The following TRPM3 variants were observed in gnomAD, a reference collection of about 807,000 sequenced individuals.
TRPM3 encodes the protein transient receptor potential cation channel subfamily M member 3, also known as long transient receptor potential channel 3.
In TRPM3, 77 loss-of-function variants were observed where a neutral mutation model predicts 181.2. That is an observed-to-expected ratio of 0.42 (90% CI 0.35 to 0.51). The LOEUF is 0.51. Among genes scored for constraint, TRPM3 ranks in the 20% least tolerant of loss-of-function variants. The pLI is 0.01. For missense variants in TRPM3, 1,759 were observed against 2,196.7 expected (o/e 0.80, Z 3.98); for synonymous variants, 745 against 796.4 (o/e 0.94, Z 1.09).
chr9:70,994,282 T>C (rs560230054), intron 1 of TRPM3, among the ~76,000 whole-genome samples: 36 of 152,130 alleles, frequency 2.4e-4, no homozygotes, highest in African/African-American at 8.7e-4. Context: ...ATGCCCAAAA[T>C]ATGTTAGCTG....
chr9:71,413,289 T>C (rs1050312145), intron 1 of TRPM3, among the ~76,000 whole-genome samples: 3 of 152,074 alleles, frequency 2.0e-5, no homozygotes, highest in South Asian at 2.1e-4. Flanking sequence ...ATTTATTGAG[T>C]ATTTAGCATG....
intron 1 of TRPM3, among the ~76,000 whole-genome samples, chr9:71,264,171 A>G (rs754022693): frequency 6.6e-6 from 1 of 152,120 alleles, no homozygotes; most frequent in Non-Finnish European, 1.5e-5. Flanking sequence ...CATAATTGTA[A>G]AGATTCTGAA....
chr9:71,314,560 C>T (rs1007245588), intron 1 of TRPM3, among the ~76,000 whole-genome samples: 3 of 152,082 alleles, frequency 2.0e-5, no homozygotes, highest in Non-Finnish European at 2.9e-5. Flanking sequence ...ATCTGATGTG[C>T]GTTGACAAGA....
chr9:70,655,627 C>T (rs1046515139), intron 9 of TRPM3, among the ~76,000 whole-genome samples: 2 of 151,964 alleles, frequency 1.3e-5, no homozygotes, highest in East Asian at 1.9e-4. Flanking sequence ...ATTTAAAAGG[C>T]CTTTATGGTT....
intron 1 of TRPM3, among the ~76,000 whole-genome samples, chr9:71,334,457 G>C (rs2132559385): frequency 6.6e-6 from 1 of 151,836 alleles, no homozygotes; most frequent in Non-Finnish European, 1.5e-5. Flanking sequence ...AACATTTTAA[G>C]ACAAAATATT....
chr9:71,122,816 A>C (rs2073790266), upstream of TRPM3, among the ~76,000 whole-genome samples: 1 of 152,184 alleles, frequency 6.6e-6, no homozygotes, highest in Non-Finnish European at 1.5e-5. Flanking sequence ...CCATTGACCT[A>C]CCTCGTATAG....
At chr9:71,093,843 C>A (rs1428304124) in intron 1 of TRPM3, among the ~76,000 whole-genome samples, 2 of 151,990 alleles carry the variant, frequency 1.3e-5, no homozygotes, top group East Asian at 3.9e-4. Context: ...AACCCAAATG[C>A]CCATCAAGAT....
chr9:71,134,016 CGCGT>C (rs2074587674), intron 1 of TRPM3, among the ~76,000 whole-genome samples: 10 of 124,294 alleles, frequency 8.0e-5, no homozygotes, highest in South Asian at 3.2e-4. Context: ...TGTGTGTGTG[CGCGT>C]GCGCGCGCGC....
At chr9:71,161,640 G>C (rs1023023534) in intron 1 of TRPM3, among the ~76,000 whole-genome samples, 9 of 152,112 alleles carry the variant, frequency 5.9e-5, no homozygotes, top group Non-Finnish European at 1.3e-4. Flanking sequence ...TATAATTACT[G>C]TGTACTGTCT....
At chr9:71,323,218 C>G (rs1277291508) in intron 1 of TRPM3, among the ~76,000 whole-genome samples, 1 of 151,990 alleles carries the variant, frequency 6.6e-6, no homozygotes, top group Non-Finnish European at 1.5e-5. Context: ...TGTTACAGCA[C>G]AGTTGGGGCA....
chr9:71,040,143 T>C (rs2058664134), intron 1 of TRPM3, among the ~76,000 whole-genome samples: 2 of 152,194 alleles, frequency 1.3e-5, no homozygotes, highest in Non-Finnish European at 2.9e-5. Context: ...AAATCTGTTT[T>C]CAATCTTACA....
intron 6 of TRPM3, among the ~76,000 whole-genome samples, chr9:70,806,828 T>G (rs1411892833): frequency 6.6e-6 from 1 of 152,186 alleles, no homozygotes; most frequent in East Asian, 1.9e-4. Flanking sequence ...GATTCTTCAG[T>G]TTTACATCCA....
chr9:71,302,808 A>AG (rs1806031738), intron 1 of TRPM3, among the ~76,000 whole-genome samples: 1 of 151,996 alleles, frequency 6.6e-6, no homozygotes, highest in African/African-American at 2.4e-5. Flanking sequence ...GAAGGAAGAA[A>AG]GAAGGAAGGA....
chr9:71,179,239 C>G (rs2077265177), intron 1 of TRPM3, among the ~76,000 whole-genome samples: 1 of 152,086 alleles, frequency 6.6e-6, no homozygotes, highest in African/African-American at 2.4e-5. Context: ...ATATGGGAGA[C>G]TGGGCTGGAC....
chr9:71,420,150 G>A (rs2093703698), intron 1 of TRPM3, among the ~76,000 whole-genome samples: 1 of 151,862 alleles, frequency 6.6e-6, no homozygotes, highest in Non-Finnish European at 1.5e-5. Flanking sequence ...TTCTTCATAA[G>A]GGGAGGAGAA....
At chr9:70,871,740 C>A (rs1330658826) in intron 1 of TRPM3, among the ~76,000 whole-genome samples, 3 of 151,990 alleles carry the variant, frequency 2.0e-5, no homozygotes, top group African/African-American at 7.2e-5. Flanking sequence ...ATATTATCAA[C>A]CTGTTTCAGA....
At chr9:70,669,727 T>C (rs558912764) in intron 9 of TRPM3, among the ~76,000 whole-genome samples, 2 of 145,818 alleles carry the variant, frequency 1.4e-5, no homozygotes, top group Admixed American at 6.8e-5. Flanking sequence ...TTTTCTTTTC[T>C]TTCTTTCTTT....
At chr9:71,386,007 A>G (rs943662940) in intron 1 of TRPM3, among the ~76,000 whole-genome samples, 21 of 151,966 alleles carry the variant, frequency 1.4e-4, no homozygotes, top group Admixed American at 8.5e-4. Flanking sequence ...ACACCTGCTG[A>G]GTCTTAGAAG....
intron 6 of TRPM3, among the ~76,000 whole-genome samples, chr9:70,804,755 G>A (rs528367518): frequency 3.3e-5 from 5 of 151,218 alleles, no homozygotes; most frequent in African/African-American, 7.3e-5. Context: ...TTGAAATTTC[G>A]GCTCCTACTC....
Sources: gnomAD v4.1 joint callset for allele counts (sites outside exome capture counted in the v4.1 genomes callset) on GRCh38, gnomAD v4.1.1 for gene constraint, MANE v1.5 for transcripts, NCBI Gene and HGNC (gene_info 2026-07-23, HGNC 2026-07-21) for gene names.